The following GEM variants were observed in gnomAD, a reference collection of about 807,000 sequenced individuals.
GEM encodes the protein GTP-binding protein GEM.
GEM carries 31 observed loss-of-function variants against 33.0 expected under a neutral mutation model. The ratio of observed to expected loss-of-function variants is 0.94; its 90% CI spans 0.71 to 1.27. The LOEUF (loss-of-function observed/expected upper bound fraction) is 1.27, where lower values mean the gene tolerates loss of function less well. GEM is among the 50% of genes most tolerant of loss of function. The probability of loss-of-function intolerance (pLI) is 0.00; values close to 1 mark genes in which losing one functional copy is unlikely to be tolerated. For synonymous variants in GEM, 141 were observed against 143.7 expected (o/e 0.98, Z 0.13); for missense variants, 354 against 390.5 (o/e 0.91, Z 0.79).
intron 2 of GEM, 41 bp from the exon 3 acceptor site, chr8:94,253,153 T>C: frequency 9.7e-7 from 1 of 1,028,530 alleles, no homozygotes; most frequent in Non-Finnish European, 1.5e-6. Context: ...CAGGCGAATA[T>C]GCAACACTTC....
At position 94,250,404 on chromosome 8, in the gene GEM, G is replaced by A. The variant is rs748700800; in HGVS notation, c.797C>T (p.Ala266Val). The change falls in exon 5 of 5, where the codon GCC becomes GTC. Residue 266 changes from alanine (A) to valine (V), a missense_variant. Ala to Val is a moderately conservative substitution (Grantham distance 64). Coordinates refer to ENST00000297596, the MANE Select transcript of GEM (RefSeq NM_005261.4). ...QKRKESMPRK[A>V]RRFWGKIVAK... is the part of the protein sequence containing the mutation. ...CACGATCTTGCCCCAGAAGCGCCTGGCTTTCCTGGGCATGCTCTCCTTCCT... is the reference window on the plus strand; with the variant it reads ...CACGATCTTGCCCCAGAAGCGCCTGACTTTCCTGGGCATGCTCTCCTTCCT... 6.2e-7 allele frequency: 1 copy of A among 1,614,088 alleles called. No individual in the cohort carries two copies. The highest frequency in any genetic ancestry group is 8.5e-7 in the Non-Finnish European group (1 of 1,179,924).
rs754500839 is a variant in GEM, at chr8:94,260,208, T to G, written c.296A>C (p.His99Pro). Residue 99 changes from histidine (H) to proline (P), a missense_variant, in exon 2 of 5, where the codon CAT (histidine) becomes CCT (proline). Coordinates refer to ENST00000297596, the MANE Select transcript of GEM (RefSeq NM_005261.4). ...CTCGCAGTCGCTGTCCATGCTGTCA[T>G]GCACACCTGCAAAGATGTTGGCCAG... Reference protein sequence around the residue: ...STLANIFAGVHDSMDSDCEVL... With the variant: ...STLANIFAGVPDSMDSDCEVL... 2.5e-6 allele frequency: 4 copies of G among 1,609,068 alleles called. No homozygotes were observed. The Admixed American group carries it at 6.7e-5, about 27-fold the overall frequency.
intron 2 of GEM, 106 bp from the exon 3 acceptor site, chr8:94,253,218 CA>C (rs1281129531): frequency 2.9e-6 from 2 of 690,850 alleles, no homozygotes; most frequent in African/African-American, 3.6e-5. Context: ...ACTAAATATG[CA>C]ATTAATTATG....
At position 94,252,190 on chromosome 8, in the gene GEM, G is replaced by A; in HGVS notation, c.442C>T (p.Gln148Ter). The A allele has an allele frequency of 6.2e-7, 1 of 1,612,252 alleles. No homozygotes were observed. The highest frequency in any genetic ancestry group is 8.5e-7 in the Non-Finnish European group (1 of 1,178,634). The stretch of plus-strand genomic sequence containing the variant: ...ACAATCAGGTATGCGTCCCCGACCT[G>A]CATGCAGTGGTCATGGAGCCATTCA... Reference protein sequence around the residue: ...ENEWLHDHCMQVGDAYLIVYS... With the variant: ...ENEWLHDHCM The change falls in exon 4 of 5, where the codon CAG (glutamine) becomes TAG (stop). Residue 148 changes from glutamine (Q) to a stop codon, truncating the protein, a stop_gained. Coordinates refer to ENST00000297596, the MANE Select transcript of GEM (RefSeq NM_005261.4). LOFTEE classifies it high-confidence loss of function.
chr8:94,254,292 A>G (rs1350797895), intron 2 of GEM, among the ~76,000 whole-genome samples: 2 of 152,192 alleles, frequency 1.3e-5, no homozygotes. Flanking sequence ...CCCCCAGCAC[A>G]TTGGTACATT....
At chr8:94,260,802 T>A in intron 1 of GEM, 1 of 287,436 alleles carries the variant, frequency 3.5e-6, no homozygotes, top group Non-Finnish European at 6.5e-6. Context: ...TCCCCCTTCC[T>A]CAAAGCAGAC....
In GEM at chr8:94,252,058, T is replaced by C; in HGVS notation, c.574A>G (p.Lys192Glu). The C allele has an allele frequency of 6.2e-7, 1 of 1,614,164 alleles. No homozygotes were observed. Among genetic ancestry groups the C allele is most frequent in the South Asian group, 1.1e-5 (1 of 91,080 alleles). ...TCTCGGCACCGCACTAAGTCACTTT[T>C]GTTGCCAACCAAAATTATGGGAATG... ...EDIPIILVGN[K>E]SDLVRCREVS... Residue 192 changes from lysine to glutamate, a missense_variant, in exon 4 of 5, where the codon AAA becomes GAA. Coordinates refer to ENST00000297596, the MANE Select transcript of GEM (RefSeq NM_005261.4).
intron 1 of GEM, among the ~76,000 whole-genome samples, chr8:94,261,335 G>A (rs538464479): frequency 1.3e-5 from 2 of 152,242 alleles, no homozygotes; most frequent in East Asian, 3.9e-4. Flanking sequence ...ATTCTCAAGA[G>A]TTCTTTAATT....
rs761960990 is a variant in GEM, at chr8:94,260,274, C to T, written c.230G>A (p.Arg77Gln). The change falls in exon 2 of 5, where the codon CGA becomes CAA. Residue 77 changes from arginine to glutamine, a missense_variant. Arg to Gln is a conservative substitution (Grantham distance 43). Transcript: ENST00000297596. ...ISSESGNTYYRVVLIGEQGVG... is the reference protein window; with the variant it reads ...ISSESGNTYYQVVLIGEQGVG... ...CCCCTGCTCCCCTATGAGCACCACT[C>T]GGTAGTAGGTGTTCCCTGACTCAGA... 6.2e-6 allele frequency: 10 copies of T among 1,613,648 alleles called. No homozygotes were observed. Among genetic ancestry groups the T allele is most frequent in the African/African-American group, 5.3e-5 (4 of 74,928 alleles).
rs1586059634 is a variant in GEM at position 94,251,869 on chromosome 8, T to C, written c.613+150A>G. ...GTGTGGAGGAGACCCACTGGGACTG[T>C]AGGAGTCTGAGAAACACACCTAAAA... On this transcript the variant is annotated intron_variant, in intron 4 of 4. Coordinates refer to ENST00000297596, the MANE Select transcript of GEM (RefSeq NM_005261.4). 1.4e-5 allele frequency: 9 copies of C among 652,832 alleles called. No individual in the cohort carries two copies. The East Asian group carries it at 2.4e-4, about 18-fold the overall frequency. 40.4% of individuals were successfully genotyped at this position (652,832 alleles called of 1,614,324 possible).
chr8:94,256,903 G>A (rs965730544), intron 2 of GEM, among the ~76,000 whole-genome samples: 1 of 152,170 alleles, frequency 6.6e-6, no homozygotes, highest in Non-Finnish European at 1.5e-5. Context: ...ACCCTATGAA[G>A]GAGGTATTAC....
chr8:94,257,539 C>T (rs771275507), intron 2 of GEM, among the ~76,000 whole-genome samples: 15 of 152,266 alleles, frequency 9.9e-5, no homozygotes, highest in Non-Finnish European at 1.9e-4. Context: ...GGAATTCCCA[C>T]AGCACTCTCC....
In GEM at chr8:94,251,439, A is replaced by G. The variant is rs577772320; in HGVS notation, c.613+580T>C. ...CGGCAATGTAGTATTTTAGTTTTAT[A>G]ATTGTACCAGGATCAAATCTGAATT... On this transcript the variant is annotated intron_variant, in intron 4 of 4. Coordinates refer to ENST00000297596, the MANE Select transcript of GEM (RefSeq NM_005261.4). Among the ~76,000 whole-genome samples the G allele has an allele frequency of 1.3e-4, 12 of 91,442 alleles. 1 individual carries two copies. Among genetic ancestry groups the G allele is most frequent in the African/African-American group, 4.6e-4 (12 of 25,906 alleles). 60.0% of individuals were successfully genotyped at this position (91,442 alleles called of 152,430 possible).
At chr8:94,252,771 T>C (rs1367973431) in intron 3 of GEM, among the ~76,000 whole-genome samples, 1 of 152,254 alleles carries the variant, frequency 6.6e-6, no homozygotes, top group African/African-American at 2.4e-5. Context: ...CCTGTTTGTA[T>C]TTTCCCTAAA....
intron 2 of GEM, among the ~76,000 whole-genome samples, chr8:94,258,354 AAAATAT>A: frequency 6.6e-6 from 1 of 152,338 alleles, no homozygotes; most frequent in East Asian, 1.9e-4. Flanking sequence ...GTTACTGCTT[AAAATAT>A]TAGTTAATGT....
rs756366846 is a variant in GEM at position 94,252,233 on chromosome 8, C to T, written c.409-10G>A. ...GCCATTCATTTTCCCCCTAATGAAA[C>T]AATAAGATCTTCTGTGAGTTCAGTT... On this transcript the variant is annotated splice_polypyrimidine_tract_variant and intron_variant, in intron 3 of 4. Coordinates refer to ENST00000297596, the MANE Select transcript of GEM (RefSeq NM_005261.4). The T allele has an allele frequency of 6.3e-6, 10 of 1,579,036 alleles. No homozygotes were observed. The highest frequency in any genetic ancestry group is 1.8e-4 in the Middle Eastern group (1 of 5,580).
rs528771219 is a variant in GEM, at chr8:94,249,339, T to C, written c.*971A>G. ...AAAAAGATAGAAAATGGTAATAAAA[T>C]GGATATTTTTCTTATTAAGAAATAT... On this transcript the variant is annotated 3_prime_UTR_variant, in exon 5 of 5. Coordinates refer to ENST00000297596, the MANE Select transcript of GEM (RefSeq NM_005261.4). The C allele has an allele frequency of 1.3e-5, 2 of 152,306 alleles. No homozygotes were observed. Among genetic ancestry groups the C allele is most frequent in the Admixed American group, 6.5e-5 (1 of 15,296 alleles). 9.4% of individuals were successfully genotyped at this position (152,306 alleles called of 1,614,324 possible).
intron 1 of GEM, among the ~76,000 whole-genome samples, chr8:94,261,823 G>A (rs1809028429): frequency 6.6e-6 from 1 of 152,038 alleles, no homozygotes; most frequent in African/African-American, 2.4e-5. Context: ...TCAGCAAGAT[G>A]CACAAACACT....
rs917719666 is a variant in GEM at position 94,249,471 on chromosome 8, T to C, written c.*839A>G. ...GGTCAACCAAAGTACTGGAAGTTTT[T>C]ATGCTATATGTTTTATAAAAATTCA... On this transcript the variant is annotated 3_prime_UTR_variant, in exon 5 of 5. Coordinates refer to ENST00000297596, the MANE Select transcript of GEM (RefSeq NM_005261.4). The C allele has an allele frequency of 1.3e-5, 2 of 152,212 alleles. No homozygotes were observed. Among genetic ancestry groups the C allele is most frequent in the African/African-American group, 4.8e-5 (2 of 41,456 alleles). The allele number at this position is 152,212 out of a possible 1,614,324, so 9.4% of individuals were successfully genotyped here. A position where few individuals can be genotyped will look rare whatever the true frequency, so the allele number is the denominator to read the frequency against.
Sources: gnomAD v4.1 joint callset for allele counts (sites outside exome capture counted in the v4.1 genomes callset) on GRCh38, gnomAD v4.1.1 for gene constraint, MANE v1.5 for transcripts, NCBI Gene and HGNC (gene_info 2026-07-23, HGNC 2026-07-21) for gene names.